POFUT3: variants seen among roughly 807,000 people sequenced by gnomAD.
POFUT3 encodes protein O-fucosyltransferase 3.
the POFUT3 span, among the ~76,000 whole-genome samples, chr8:33,345,166 C>T: frequency 6.6e-6 from 1 of 152,036 alleles, no homozygotes; most frequent in Non-Finnish European, 1.5e-5. Context: ...ATGACATCAA[C>T]CTATTTTATC....
the POFUT3 span, among the ~76,000 whole-genome samples, chr8:33,421,727 G>A: frequency 2.0e-5 from 3 of 152,286 alleles, no homozygotes; most frequent in Non-Finnish European, 2.9e-5. Flanking sequence ...TTCAGAACTC[G>A]TTTTGTTATT....
At chr8:33,423,817 GTAAAA>G in the POFUT3 span, among the ~76,000 whole-genome samples, 2 of 6,728 alleles carry the variant, frequency 3.0e-4, no homozygotes, top group African/African-American at 9.4e-4. Flanking sequence ...GGCACACCAA[GTAAAA>G]AAAAAAAAAA....
At chr8:33,318,637 A>AATATATTGTAT in the POFUT3 span, among the ~76,000 whole-genome samples, 2 of 84,864 alleles carry the variant, frequency 2.4e-5, no homozygotes, top group Non-Finnish European at 3.9e-5. Context: ...ATAATATATA[A>AATATATTGTAT]ATATATTGTA....
At chr8:33,409,601 C>G in the POFUT3 span, among the ~76,000 whole-genome samples, 1 of 152,158 alleles carries the variant, frequency 6.6e-6, no homozygotes, top group Non-Finnish European at 1.5e-5. Flanking sequence ...TGTTTTGTTG[C>G]TGCTTTAACT....
chr8:33,448,065 C>T, the POFUT3 span, among the ~76,000 whole-genome samples: 2 of 152,236 alleles, frequency 1.3e-5, no homozygotes, highest in Middle Eastern at 3.4e-3. Flanking sequence ...CTAGGCCAGG[C>T]ACAGTGGCTC....
chr8:33,324,405 T>A, the POFUT3 span, among the ~76,000 whole-genome samples: 2 of 152,158 alleles, frequency 1.3e-5, no homozygotes, highest in African/African-American at 4.8e-5. Flanking sequence ...TGGACCCTTT[T>A]TTAGGATGCA....
At chr8:33,442,266 CAT>C in the POFUT3 span, among the ~76,000 whole-genome samples, 1 of 146,622 alleles carries the variant, frequency 6.8e-6, no homozygotes, top group Non-Finnish European at 1.5e-5. Flanking sequence ...CGCCAGGCCT[CAT>C]GTGTCACTTC....
the POFUT3 span, chr8:33,453,426 G>A: frequency 6.2e-7 from 1 of 1,613,732 alleles, no homozygotes; most frequent in Non-Finnish European, 8.5e-7. Flanking sequence ...AGATGCGTAG[G>A]TGCTTCCTCC....
the POFUT3 span, among the ~76,000 whole-genome samples, chr8:33,392,199 G>A: frequency 4.9e-4 from 75 of 152,246 alleles, 1 homozygote; most frequent in Middle Eastern, 0.01. Flanking sequence ...ACATGCGTGC[G>A]CATGTGTGCA....
chr8:33,347,686 T>C, the POFUT3 span, among the ~76,000 whole-genome samples: 23 of 152,290 alleles, frequency 1.5e-4, no homozygotes, highest in African/African-American at 5.5e-4. Flanking sequence ...GCATTAGGGA[T>C]GTATAGAGAA....
At chr8:33,364,163 CA>C in the POFUT3 span, among the ~76,000 whole-genome samples, 3 of 151,594 alleles carry the variant, frequency 2.0e-5, no homozygotes, top group African/African-American at 7.3e-5. Context: ...GAACCAACGA[CA>C]AAAAACCACA....
chr8:33,462,340 G>A, the POFUT3 span, among the ~76,000 whole-genome samples: 1 of 152,022 alleles, frequency 6.6e-6, no homozygotes, highest in Non-Finnish European at 1.5e-5. Context: ...AGTTTCAAAG[G>A]AGTTTAGAAA....
chr8:33,374,304 G>A, the POFUT3 span, among the ~76,000 whole-genome samples: 6 of 152,164 alleles, frequency 3.9e-5, no homozygotes, highest in African/African-American at 7.2e-5. Context: ...ATGAGAACAC[G>A]TTTACCTCTG....
At chr8:33,445,922 T>C in the POFUT3 span, among the ~76,000 whole-genome samples, 1 of 152,146 alleles carries the variant, frequency 6.6e-6, no homozygotes, top group Non-Finnish European at 1.5e-5. Context: ...TTGCATCACC[T>C]ACCAGACCCA....
chr8:33,325,085 C>T, the POFUT3 span, among the ~76,000 whole-genome samples: 1 of 152,086 alleles, frequency 6.6e-6, no homozygotes, highest in Admixed American at 6.6e-5. Context: ...ATAAAATCCA[C>T]TCTCCTTAAA....
At chr8:33,363,727 C>T in the POFUT3 span, among the ~76,000 whole-genome samples, 93 of 152,194 alleles carry the variant, frequency 6.1e-4, no homozygotes, top group South Asian at 1.2e-3. Flanking sequence ...CAGGAAGAAG[C>T]TGAATCTCTG....
chr8:33,427,851 G>A, the POFUT3 span, among the ~76,000 whole-genome samples: 1 of 152,292 alleles, frequency 6.6e-6, no homozygotes, highest in South Asian at 2.1e-4. Context: ...CCTCAGCCTG[G>A]CGCGGTGGCT....
chr8:33,390,413 G>A, the POFUT3 span, among the ~76,000 whole-genome samples: 1 of 151,990 alleles, frequency 6.6e-6, no homozygotes, highest in South Asian at 2.1e-4. Context: ...CTTGCAATGG[G>A]CTTTTCTTCC....
chr8:33,365,843 T>C, the POFUT3 span, among the ~76,000 whole-genome samples: 10 of 152,200 alleles, frequency 6.6e-5, no homozygotes, highest in Non-Finnish European at 1.5e-4. Flanking sequence ...TGGAAGACAG[T>C]GTGGCAATTC....
Sources: allele counts gnomAD v4.1 joint callset (sites outside exome capture counted in the v4.1 genomes callset), GRCh38; gene constraint gnomAD v4.1.1; transcripts MANE v1.5; gene names NCBI Gene and HGNC (gene_info 2026-07-23, HGNC 2026-07-21).